Variants in USP49 observed in about 807,000 individuals in gnomAD.
USP49 encodes the protein ubiquitin carboxyl-terminal hydrolase 49.
In USP49, 24 loss-of-function variants were observed where a neutral mutation model predicts 58.6. That is an observed-to-expected ratio of 0.41 (90% CI 0.30 to 0.58). USP49 has a LOEUF of 0.58. Ranked by LOEUF, USP49 falls within the 20% of genes least tolerant of loss-of-function variation. The pLI, the probability that USP49 is intolerant of heterozygous loss-of-function variation, is 0.30. For missense variants in USP49, 703 were observed against 866.1 expected, an observed-to-expected ratio of 0.81 and a Z score of 2.36; for synonymous variants, 408 against 365.1, an observed-to-expected ratio of 1.12 and a Z score of -1.34.
At chr6:41,865,664 G>A (rs562897964) in intron 3 of USP49, among the ~76,000 whole-genome samples, 5 of 150,988 alleles carry the variant, frequency 3.3e-5, no homozygotes, top group East Asian at 4.0e-4. Flanking sequence ...TAAGAGACAG[G>A]GTCTTGCTCT....
chr6:41,889,838 A>C (rs1774780374), intron 2 of USP49, among the ~76,000 whole-genome samples: 1 of 152,234 alleles, frequency 6.6e-6, no homozygotes, highest in South Asian at 2.1e-4. Flanking sequence ...AAAAATACTC[A>C]AGTGAGAGAA....
intron 2 of USP49, among the ~76,000 whole-genome samples, chr6:41,880,639 T>C (rs1245149464): frequency 6.6e-6 from 1 of 152,158 alleles, no homozygotes; most frequent in Non-Finnish European, 1.5e-5. Flanking sequence ...TAGAATTCTA[T>C]ACCCAGGTAA....
In USP49 at chr6:41,814,617, G is replaced by T. The variant is rs1773316708; in HGVS notation, c.-28-7606C>A. Among the ~76,000 whole-genome samples, 4 of 151,944 alleles carry T rather than the reference G, an allele frequency of 2.6e-5. No individual in the cohort carries two copies. The South Asian group carries it at 8.3e-4, about 32-fold the overall frequency. ...GAAATAAAATTTCTGGGGGTTGAAG[G>T]GGAATCAAGAAAAACAAAATAGGGG... is the stretch of plus-strand genomic sequence containing the variant. On this transcript the variant is annotated intron_variant, in intron 3 of 7. Transcript: ENST00000682992.
At chr6:41,861,421 C>A (rs1021017997) in intron 3 of USP49, among the ~76,000 whole-genome samples, 2 of 152,032 alleles carry the variant, frequency 1.3e-5, no homozygotes, top group Non-Finnish European at 2.9e-5. Context: ...CCAGCCTGGG[C>A]GACAGAGTGA....
chr6:41,802,469 TTTTTTATTTA>T (rs1366953905), intron 5 of USP49, among the ~76,000 whole-genome samples: 1,553 of 66,862 alleles, frequency 0.023, 105 homozygotes, highest in African/African-American at 0.067. Flanking sequence ...TATTTATTTA[TTTTTTATTTA>T]TTTTTTTTTT....
intron 3 of USP49, among the ~76,000 whole-genome samples, chr6:41,867,362 T>G (rs1432980396): frequency 6.6e-6 from 1 of 152,196 alleles, no homozygotes; most frequent in East Asian, 1.9e-4. Context: ...AGTTCCAAAC[T>G]GCTGCACAGT....
Position 41,791,138 on chromosome 6 carries a change from T to A in USP49, c.*5395A>T, listed in dbSNP as rs1195955348. 1.3e-5 allele frequency: 2 copies of A among 152,238 alleles called. No homozygotes were observed. Among genetic ancestry groups the A allele is most frequent in the Non-Finnish European group, 2.9e-5 (2 of 68,034 alleles). 9.4% of individuals were successfully genotyped at this position (152,238 alleles called of 1,614,324 possible). ...ATTGAAAATCAAAATCCAGCAAGAA[T>A]TAAGACATGGCAGCTTCCAAAAGCA... On this transcript the variant is annotated 3_prime_UTR_variant, in exon 8 of 8. Transcript: ENST00000682992.
chr6:41,820,785 A>G (rs1266587168), intron 3 of USP49, among the ~76,000 whole-genome samples: 3 of 152,164 alleles, frequency 2.0e-5, no homozygotes, highest in Non-Finnish European at 4.4e-5. Flanking sequence ...AGATCACTTC[A>G]GCCCAGGAGT....
intron 3 of USP49, among the ~76,000 whole-genome samples, chr6:41,808,944 C>G (rs1047418042): frequency 6.6e-6 from 1 of 151,844 alleles, no homozygotes; most frequent in Non-Finnish European, 1.5e-5. Context: ...GAGAGAGGGT[C>G]TCTCTGTCAC....
At position 41,826,030 on chromosome 6, in the gene USP49, G is replaced by A. The variant is rs143984022; in HGVS notation, c.-28-19019C>T. Among the ~76,000 whole-genome samples, 865 of 152,310 alleles carry A rather than the reference G, an allele frequency of 5.7e-3. 4 individuals carry two copies. The highest frequency in any genetic ancestry group is 7.9e-3 in the Non-Finnish European group (537 of 68,036). The stretch of plus-strand genomic sequence containing the variant: ...TATAATCCCGGCACTTTGGGAGACC[G>A]AGGCAGGTGGATCACTTGAGTCCAG... On this transcript the variant is annotated intron_variant, in intron 3 of 7. Transcript: ENST00000682992.
At chr6:41,833,524 C>T (rs947433598) in intron 3 of USP49, among the ~76,000 whole-genome samples, 13 of 152,114 alleles carry the variant, frequency 8.5e-5, no homozygotes, top group African/African-American at 2.9e-4. Context: ...TGACAGGAAA[C>T]GCTACTCCAA....
chr6:41,816,332 T>C (rs1773349290), intron 3 of USP49, among the ~76,000 whole-genome samples: 1 of 152,228 alleles, frequency 6.6e-6, no homozygotes. Flanking sequence ...TCACTAGCAG[T>C]TTCCTTATAG....
intron 6 of USP49, 105 bp from the exon 7 acceptor site, chr6:41,799,034 G>T: frequency 1.4e-6 from 2 of 1,435,986 alleles, no homozygotes; most frequent in South Asian, 3.2e-5. Context: ...TAACCTTCTG[G>T]TTTTGGTTTT....
rs140001289 is a variant in USP49 at position 41,803,297 on chromosome 6, T to TTTGTTG, written c.1561+503_1561+508dup. ...AATCAACTCCTAGGTCTTTGTTTCATTTGTTGTTGTTGTTGTTGTTGTTTG... is the reference window on the plus strand; with the variant it reads ...AATCAACTCCTAGGTCTTTGTTTCATTTGTTGTTGTTGTTGTTGTTGTTGTTGTTTG... On this transcript the variant is annotated intron_variant, in intron 5 of 7. Transcript: ENST00000682992. This position sits in a 1 kb window ranked among gnomAD's most constrained non-coding sequence, Gnocchi z 4.1. Among the ~76,000 whole-genome samples the TTTGTTG allele has an allele frequency of 4.0e-5, 6 of 151,508 alleles. No homozygotes were observed. The South Asian group carries it at 1.2e-3, about 32-fold the overall frequency.
intron 3 of USP49, among the ~76,000 whole-genome samples, chr6:41,812,554 G>A (rs1475331949): frequency 2.6e-5 from 4 of 151,844 alleles, no homozygotes; most frequent in East Asian, 2.0e-4. Flanking sequence ...ATAGCCGGGC[G>A]TGGTGGCGGG....
chr6:41,882,564 T>C (rs1268964373), intron 2 of USP49, among the ~76,000 whole-genome samples: 1 of 151,960 alleles, frequency 6.6e-6, no homozygotes, highest in Non-Finnish European at 1.5e-5. Context: ...ATAAGGCAAA[T>C]ACAGTAGGCT....
At chr6:41,838,798 G>A (rs1773770356) in intron 3 of USP49, among the ~76,000 whole-genome samples, 1 of 152,088 alleles carries the variant, frequency 6.6e-6, no homozygotes, top group Admixed American at 6.6e-5. Flanking sequence ...TCAGCACATG[G>A]AACATTCTCC....
At chr6:41,807,795 G>A (rs1438493281) in intron 3 of USP49, among the ~76,000 whole-genome samples, 1 of 149,368 alleles carries the variant, frequency 6.7e-6, no homozygotes, top group Non-Finnish European at 1.5e-5. Context: ...TTTTTTTGAG[G>A]TCGAGCCTCC....
At chr6:41,802,407 T>TTTTATTTTATTTTA (rs1773019068) in intron 5 of USP49, among the ~76,000 whole-genome samples, 1 of 76,100 alleles carries the variant, frequency 1.3e-5, no homozygotes, top group Non-Finnish European at 2.8e-5. Flanking sequence ...TTTATTTTAT[T>TTTTATTTTATTTTA]TTTTATTTTA....
Sources: allele counts gnomAD v4.1 joint callset (sites outside exome capture counted in the v4.1 genomes callset), GRCh38; gene constraint gnomAD v4.1.1; non-coding constraint Gnocchi (gnomAD v3.1); transcripts MANE v1.5; gene names NCBI Gene and HGNC (gene_info 2026-07-23, HGNC 2026-07-21).